RAI1: variants seen among roughly 807,000 people sequenced by gnomAD.
RAI1 encodes retinoic acid induced 1, also known as retinoic acid-induced protein 1.
RAI1 carries 9 observed loss-of-function variants against 123.8 expected under a neutral mutation model. That is an observed-to-expected ratio of 0.07 (90% CI 0.04 to 0.13). The LOEUF (loss-of-function observed/expected upper bound fraction) is 0.13. Among genes scored for constraint, RAI1 ranks in the 10% least tolerant of loss-of-function variants. The pLI is 1.00. For missense variants in RAI1, 2,256 were observed against 2,545.8 expected (o/e 0.89, Z 2.45); for synonymous variants, 1,231 against 1,127.3 (o/e 1.09, Z -1.84).
chr17:17,686,053 C>A (rs1914617337), intron 1 of RAI1, among the ~76,000 whole-genome samples: 1 of 152,246 alleles, frequency 6.6e-6, no homozygotes, highest in Non-Finnish European at 1.5e-5. Flanking sequence ...ATCGGCAATT[C>A]TGCCAGTGTC....
chr17:17,708,022 G>T (rs1352437885), intron 1 of RAI1, among the ~76,000 whole-genome samples: 1 of 152,132 alleles, frequency 6.6e-6, no homozygotes. Flanking sequence ...GAAGGCTCCT[G>T]GAGGCTCTGG....
At position 17,811,051 on chromosome 17, in the gene RAI1, C is replaced by A. The variant is rs898408383; in HGVS notation, c.*1070C>A. On this transcript the variant is annotated 3_prime_UTR_variant, in exon 6 of 6. Transcript: ENST00000353383. ...GGGCTACCGCGACGCCACTTGTCCA[C>A]GCAGCCACCACCGGCCCGGGCCAGT... The A allele has an allele frequency of 3.2e-5, 10 of 314,284 alleles. No individual in the cohort carries two copies. Among genetic ancestry groups the A allele is most frequent in the African/African-American group, 2.3e-4 (10 of 44,364 alleles). 19.5% of individuals were successfully genotyped at this position (314,284 alleles called of 1,614,324 possible). A position where few individuals can be genotyped will look rare whatever the true frequency, so the allele number is the denominator to read the frequency against.
At chr17:17,719,589 C>T (rs1915814115) in intron 1 of RAI1, among the ~76,000 whole-genome samples, 1 of 152,216 alleles carries the variant, frequency 6.6e-6, no homozygotes, top group Admixed American at 6.5e-5. Flanking sequence ...CCATAGCACG[C>T]TTCACCTAAG....
chr17:17,736,369 C>T (rs114696449), intron 2 of RAI1, among the ~76,000 whole-genome samples: 2,109 of 152,294 alleles, frequency 0.014, 48 homozygotes, highest in African/African-American at 0.048. Context: ...TTGGCACCTG[C>T]CAGCACTGCT....
chr17:17,719,499 G>A (rs1915811262), intron 1 of RAI1, among the ~76,000 whole-genome samples: 1 of 152,186 alleles, frequency 6.6e-6, no homozygotes, highest in Non-Finnish European at 1.5e-5. Flanking sequence ...ATGCTCTTAA[G>A]TATGAGCTCT....
intron 2 of RAI1, among the ~76,000 whole-genome samples, chr17:17,785,528 C>T (rs550468135): frequency 3.0e-4 from 45 of 152,286 alleles, no homozygotes; most frequent in Non-Finnish European, 5.3e-4. Flanking sequence ...ATGTAATTAC[C>T]GCTGCCATGA....
At chr17:17,683,010 G>C (rs1433881242) in intron 1 of RAI1, among the ~76,000 whole-genome samples, 3 of 152,156 alleles carry the variant, frequency 2.0e-5, no homozygotes, top group Admixed American at 6.5e-5. Context: ...CGCGGTTTCG[G>C]CGGGCCCGGA....
intron 2 of RAI1, among the ~76,000 whole-genome samples, chr17:17,760,380 A>G (rs536143388): frequency 6.6e-5 from 10 of 152,024 alleles, no homozygotes; most frequent in African/African-American, 2.4e-4. Context: ...TACATCCTGC[A>G]TACTCGGGAT....
intron 2 of RAI1, among the ~76,000 whole-genome samples, chr17:17,771,025 A>T (rs189823883): frequency 2.6e-4 from 39 of 152,146 alleles, no homozygotes; most frequent in Non-Finnish European, 3.5e-4. Context: ...AGGGCTCAGG[A>T]AAGGGGGCTT....
In RAI1 at chr17:17,799,769, TC is replaced by T. The variant is rs1379303071; in HGVS notation, c.5565+1261del. On this transcript the variant is annotated intron_variant, in intron 3 of 5. Transcript: ENST00000353383. This position sits in a 1 kb window ranked among gnomAD's most constrained non-coding sequence, Gnocchi z 4.5. The stretch of plus-strand genomic sequence containing the variant: ...TGGCCCCAGCCGGTGGCTTCGCCCC[TC>T]CCCCTGCCCAGCCTCCTCCCCCGTC... Among the ~76,000 whole-genome samples, 6 of 148,922 alleles carry T rather than the reference TC, an allele frequency of 4.0e-5. No homozygotes were observed.
At position 17,681,787 on chromosome 17, in the gene RAI1, C is replaced by T. The variant is rs1914423197; in HGVS notation, c.-155C>T. ...CCCAAGGCCCCCGAGTGAGCGCGGG[C>T]GCCGAGGTGAGCAGCGAGCGCCGGG... On this transcript the variant is annotated 5_prime_UTR_variant, in exon 1 of 6. Transcript: ENST00000353383. 3 of 325,086 alleles carry T rather than the reference C, an allele frequency of 9.2e-6. No individual in the cohort carries two copies. The highest frequency in any genetic ancestry group is 4.9e-5 in the Admixed American group (1 of 20,302). The allele number at this position is 325,086 out of a possible 1,614,324, so 20.1% of individuals were successfully genotyped here.
intron 2 of RAI1, among the ~76,000 whole-genome samples, chr17:17,774,036 G>A (rs542899321): frequency 1.3e-5 from 2 of 152,254 alleles, no homozygotes; most frequent in African/African-American, 4.8e-5. Flanking sequence ...CTTACAAGCT[G>A]TGTGACTTTG....
In RAI1 at chr17:17,799,357, C is replaced by T. The variant is rs1227558684; in HGVS notation, c.5565+844C>T. Among the ~76,000 whole-genome samples, 1 of 152,162 alleles carries T rather than the reference C, an allele frequency of 6.6e-6. No homozygotes were observed. The highest frequency in any genetic ancestry group is 1.5e-5 in the Non-Finnish European group (1 of 68,022). On this transcript the variant is annotated intron_variant, in intron 3 of 5. Coordinates refer to ENST00000353383, the MANE Select transcript of RAI1 (RefSeq NM_030665.4). This position sits in a 1 kb window ranked among gnomAD's most constrained non-coding sequence, Gnocchi z 4.5. ...CAGAGGGGCCTGGTGGCTCTGGTGA[C>T]AGCAGGGTGACGTTCTTCGTGGTGT...
chr17:17,688,833 C>T (rs1342800480), intron 1 of RAI1, among the ~76,000 whole-genome samples: 1 of 152,120 alleles, frequency 6.6e-6, no homozygotes, highest in Non-Finnish European at 1.5e-5. Flanking sequence ...CTCCTGACCT[C>T]ATGATCCGCC....
In RAI1 at chr17:17,793,842, T is replaced by C. The variant is rs752021957; in HGVS notation, c.894T>C (p.His298=). 9 of 1,612,960 alleles carry C rather than the reference T, an allele frequency of 5.6e-6. No individual in the cohort carries two copies. The highest frequency in any genetic ancestry group is 2.2e-5 in the East Asian group (1 of 44,872). Residue 298 remains histidine (H), a synonymous_variant, in exon 3 of 6, where the codon CAT becomes CAC. Transcript: ENST00000353383. ...QQQQALQSRH[H]AQETLHYQNL... Reference sequence around the variant, plus strand: ...AGCAAGCCCTTCAGAGCCGGCACCATGCCCAGGAAACCCTCCATTACCAAA... The same window carrying C: ...AGCAAGCCCTTCAGAGCCGGCACCACGCCCAGGAAACCCTCCATTACCAAA...
intron 1 of RAI1, among the ~76,000 whole-genome samples, chr17:17,703,212 C>T (rs777536033): frequency 1.3e-5 from 2 of 152,152 alleles, no homozygotes; most frequent in African/African-American, 2.4e-5. Flanking sequence ...GGAGTGGGCT[C>T]ACAGGAGGCT....
chr17:17,724,798 C>T (rs1326798017), intron 2 of RAI1, among the ~76,000 whole-genome samples: 3 of 152,150 alleles, frequency 2.0e-5, no homozygotes, highest in Admixed American at 6.5e-5. Context: ...TAAGGTCGCG[C>T]TCTCCCCACC....
At chr17:17,701,796 C>T (rs955297179) in intron 1 of RAI1, among the ~76,000 whole-genome samples, 1 of 152,216 alleles carries the variant, frequency 6.6e-6, no homozygotes, top group African/African-American at 2.4e-5. Flanking sequence ...CCCATCCCTC[C>T]TCCCTTTGTG....
In RAI1 at chr17:17,806,384, G is replaced by C. The variant is rs530861860; in HGVS notation, c.5659+2535G>C. On this transcript the variant is annotated intron_variant, in intron 4 of 5. Coordinates refer to ENST00000353383, the MANE Select transcript of RAI1 (RefSeq NM_030665.4). ...AAGATTGAGGCAGGAAAGGGACTGGGAATGCTGCAAATGGAGACATACACC... is the reference window on the plus strand; with the variant it reads ...AAGATTGAGGCAGGAAAGGGACTGGCAATGCTGCAAATGGAGACATACACC... 3.9e-5 allele frequency among the ~76,000 whole-genome samples: 6 copies of C among 152,326 alleles called. No homozygotes were observed. The South Asian group carries it at 1.2e-3, about 32-fold the overall frequency.
Sources: allele counts gnomAD v4.1 joint callset (sites outside exome capture counted in the v4.1 genomes callset), GRCh38; gene constraint gnomAD v4.1.1; non-coding constraint Gnocchi (gnomAD v3.1); transcripts MANE v1.5; gene names NCBI Gene and HGNC (gene_info 2026-07-23, HGNC 2026-07-21).